The following AUNIP variants were observed in gnomAD, a reference collection of about 807,000 sequenced individuals.
AUNIP encodes the protein aurora kinase A and ninein interacting protein.
Under a neutral mutation model 12.2 loss-of-function variants are expected in AUNIP, and 16 were observed. That is an observed-to-expected ratio of 1.31 (90% CI 0.88 to 1.99). The LOEUF is 1.99. AUNIP is among the 30% of genes most tolerant of loss of function. The probability of loss-of-function intolerance (pLI) is 0.00; values close to 1 mark genes in which losing one functional copy is unlikely to be tolerated. For missense variants in AUNIP, 411 were observed against 419.1 expected (o/e 0.98, Z 0.17); for synonymous variants, 142 against 154.8 (o/e 0.92, Z 0.61).
chr1:25,839,106 T>G (rs1448010026), intron 1 of AUNIP, among the ~76,000 whole-genome samples: 1 of 152,190 alleles, frequency 6.6e-6, no homozygotes, highest in African/African-American at 2.4e-5. Flanking sequence ...AAAATTGATA[T>G]AAACAGCAGA....
In AUNIP at chr1:25,835,479, C is replaced by T. The variant is rs1557449044; in HGVS notation, c.588G>A (p.Arg196=). 6.2e-7 allele frequency: 1 copy of T among 1,614,258 alleles called. No individual in the cohort carries two copies. Among genetic ancestry groups the T allele is most frequent in the Non-Finnish European group, 8.5e-7 (1 of 1,180,052 alleles). ...DRKEEKGDSA[R]KWEWLHESKK... is the part of the protein sequence containing the mutation. ...TAGACTCATGAAGCCATTCCCATTT[C>T]CTGGCAGAATCCCCTTTTTCTTCCT... The change falls in exon 3 of 3, where the codon AGG becomes AGA. Residue 196 remains arginine, a synonymous_variant. Transcript: ENST00000374298.
Position 25,835,854 on chromosome 1 carries a change from A to G in AUNIP, c.221-8T>C. The G allele has an allele frequency of 6.2e-7, 1 of 1,610,078 alleles. No homozygotes were observed. The highest frequency in any genetic ancestry group is 8.5e-7 in the Non-Finnish European group (1 of 1,177,194). ...CACTGCCATTTGTCTTTCCTAATAA[A>G]ACAGGAATGAACAAATATTATTCTG... On this transcript the variant is annotated splice_polypyrimidine_tract_variant and splice_region_variant and intron_variant, in intron 2 of 2. Transcript: ENST00000374298.
At chr1:25,854,392 C>G (rs542435666) in intron 1 of AUNIP, among the ~76,000 whole-genome samples, 1 of 152,248 alleles carries the variant, frequency 6.6e-6, no homozygotes, top group East Asian at 1.9e-4. Context: ...TATACTCCCT[C>G]CCTCCCAAAA....
At position 25,834,067 on chromosome 1, in the gene AUNIP, G is replaced by A. The variant is rs2048276975; in HGVS notation, c.*926C>T. The A allele has an allele frequency of 1.0e-6, 1 of 985,202 alleles. No individual in the cohort carries two copies. 61.0% of individuals were successfully genotyped at this position (985,202 alleles called of 1,614,324 possible). On this transcript the variant is annotated 3_prime_UTR_variant, in exon 3 of 3. Transcript: ENST00000374298. The stretch of plus-strand genomic sequence containing the variant: ...AAAGGGGATTCCCTCCTATCTTGTG[G>A]GAAAAGGGTAACAGAGTCACATCCA...
At chr1:25,849,708 A>T (rs541378846) in intron 1 of AUNIP, among the ~76,000 whole-genome samples, 2 of 152,322 alleles carry the variant, frequency 1.3e-5, no homozygotes, top group South Asian at 4.1e-4. Flanking sequence ...ATCTTGGCTC[A>T]CTGCAACCTC....
chr1:25,841,097 GA>G (rs2048344209), intron 1 of AUNIP, among the ~76,000 whole-genome samples: 3 of 152,316 alleles, frequency 2.0e-5, no homozygotes, highest in Non-Finnish European at 4.4e-5. Flanking sequence ...GGAGCTGAAG[GA>G]TGTACCTTCC....
rs2048476275 is a variant in AUNIP at position 25,857,972 on chromosome 1, C to T, written c.78+1308G>A. On this transcript the variant is annotated intron_variant, in intron 1 of 2. Coordinates refer to ENST00000374298, the MANE Select transcript of AUNIP (RefSeq NM_024037.3). ...CACGAGGTCAGGAGAGCGAGACCAT[C>T]CTGGCTAACACGGTGAAAACCTGTC... Among the ~76,000 whole-genome samples, 3 of 151,814 alleles carry T rather than the reference C, an allele frequency of 2.0e-5. No homozygotes were observed. In the South Asian group the frequency reaches 6.2e-4, roughly 31 times the overall value.
rs554669551 is a variant in AUNIP at position 25,856,510 on chromosome 1, T to C, written c.78+2770A>G. Among the ~76,000 whole-genome samples, 8 of 151,880 alleles carry C rather than the reference T, an allele frequency of 5.3e-5. No individual in the cohort carries two copies. In the East Asian group the frequency reaches 1.6e-3, roughly 30 times the overall value. ...AACCAACATGGAGAAACCCCGTCTCTACTAAAAATACAAATTCACCTGGGC... is the reference window on the plus strand; with the variant it reads ...AACCAACATGGAGAAACCCCGTCTCCACTAAAAATACAAATTCACCTGGGC... On this transcript the variant is annotated intron_variant, in intron 1 of 2. Transcript: ENST00000374298.
At chr1:25,857,614 G>C (rs2048472529) in intron 1 of AUNIP, among the ~76,000 whole-genome samples, 1 of 151,072 alleles carries the variant, frequency 6.6e-6, no homozygotes, top group South Asian at 2.1e-4. Context: ...TGTAATCTCA[G>C]CACTTTGGGA....
At chr1:25,837,723 C>T (rs1412277321) in intron 1 of AUNIP, among the ~76,000 whole-genome samples, 169 bp from the exon 2 acceptor site, 3 of 152,104 alleles carry the variant, frequency 2.0e-5, no homozygotes, top group African/African-American at 7.2e-5. Context: ...CATTTCCAGC[C>T]ATTGTAACGG....
intron 1 of AUNIP, among the ~76,000 whole-genome samples, chr1:25,842,707 G>T (rs2048354653): frequency 6.6e-6 from 1 of 152,268 alleles, no homozygotes; most frequent in South Asian, 2.1e-4. Context: ...TAAAGCCAAG[G>T]CTCACCTAAT....
intron 1 of AUNIP, among the ~76,000 whole-genome samples, chr1:25,853,973 G>C (rs903152371): frequency 2.0e-4 from 31 of 152,152 alleles, no homozygotes; most frequent in African/African-American, 7.5e-4. Flanking sequence ...CCCTTTGGGA[G>C]GCCAAGGCAG....
intron 1 of AUNIP, among the ~76,000 whole-genome samples, chr1:25,843,183 AAAAT>A (rs1243262945): frequency 2.0e-3 from 230 of 114,262 alleles, no homozygotes; most frequent in African/African-American, 6.7e-3. Flanking sequence ...AAAAAAAAAA[AAAAT>A]ATATATATAT....
intron 2 of AUNIP, 134 bp downstream of exon 2, chr1:25,837,279 T>C (rs2048309859): frequency 6.4e-6 from 7 of 1,098,750 alleles, no homozygotes; most frequent in African/African-American, 4.7e-5. Flanking sequence ...TTATGTTTTA[T>C]AACCTCTTCT....
chr1:25,839,202 G>C (rs1028014232), intron 1 of AUNIP, among the ~76,000 whole-genome samples: 5 of 152,208 alleles, frequency 3.3e-5, no homozygotes, highest in Non-Finnish European at 5.9e-5. Context: ...CTGCCCAGAA[G>C]TGCTTTGCAG....
At chr1:25,858,200 T>C (rs213640) in intron 1 of AUNIP, among the ~76,000 whole-genome samples, 42,819 of 152,020 alleles carry the variant, frequency 0.28, 7,575 homozygotes, top group African/African-American at 0.49. Context: ...AATAATAAAA[T>C]GATCAAATTT....
chr1:25,836,733 T>G (rs1017241726), intron 2 of AUNIP, among the ~76,000 whole-genome samples: 1 of 152,252 alleles, frequency 6.6e-6, no homozygotes, highest in Non-Finnish European at 1.5e-5. Context: ...TTGTTTGTTT[T>G]TTTTAAATCT....
chr1:25,845,883 G>C (rs1484678639), intron 1 of AUNIP, among the ~76,000 whole-genome samples: 1 of 152,072 alleles, frequency 6.6e-6, no homozygotes, highest in Non-Finnish European at 1.5e-5. Context: ...TCACAGATAA[G>C]GTCCAGAACA....
chr1:25,832,619 G>GT (rs1175361277), downstream of AUNIP: 12 of 166,832 alleles, frequency 7.2e-5, no homozygotes, highest in Non-Finnish European at 5.3e-5. Context: ...AGCCTGGGCT[G>GT]TTTTTTTTCT....
Sources: gnomAD v4.1 joint callset for allele counts (sites outside exome capture counted in the v4.1 genomes callset) on GRCh38, gnomAD v4.1.1 for gene constraint, MANE v1.5 for transcripts, NCBI Gene and HGNC (gene_info 2026-07-23, HGNC 2026-07-21) for gene names.